Variants in LUZP2 observed in about 807,000 individuals in gnomAD.
LUZP2 encodes the protein leucine zipper protein 2.
Under a neutral mutation model 51.6 loss-of-function variants are expected in LUZP2, and 52 were observed. The ratio of observed to expected loss-of-function variants is 1.01; its 90% confidence interval spans 0.81 to 1.27. The LOEUF (loss-of-function observed/expected upper bound fraction) is 1.27, where lower values mean the gene tolerates loss of function less well. Among genes scored for constraint, LUZP2 ranks in the 50% most tolerant of loss-of-function variants. The pLI is 0.00. For missense variants in LUZP2, 436 were observed against 395.4 expected, an observed-to-expected ratio of 1.10 and a Z score of -0.87; for synonymous variants, 154 against 137.3, an observed-to-expected ratio of 1.12 and a Z score of -0.85.
At chr11:24,623,736 A>T (rs890913157) in intron 1 of LUZP2, among the ~76,000 whole-genome samples, 5 of 152,112 alleles carry the variant, frequency 3.3e-5, no homozygotes, top group Admixed American at 2.0e-4. Context: ...AGGCCCTGCT[A>T]CTCGGGAGGC....
intron 4 of LUZP2, among the ~76,000 whole-genome samples, chr11:24,756,080 C>T (rs533441518): frequency 6.6e-6 from 1 of 152,106 alleles, no homozygotes; most frequent in South Asian, 2.1e-4. Context: ...CTTATGTTAA[C>T]CCCAAGCATT....
intron 5 of LUZP2, among the ~76,000 whole-genome samples, chr11:24,882,917 A>G (rs1852526420): frequency 1.4e-5 from 2 of 138,510 alleles, no homozygotes; most frequent in Admixed American, 1.4e-4. Context: ...AAGAAAGAAG[A>G]AAGAAAGAAC....
At chr11:24,731,879 A>C (rs1166365717) in intron 2 of LUZP2, among the ~76,000 whole-genome samples, 1 of 151,756 alleles carries the variant, frequency 6.6e-6, no homozygotes, top group Non-Finnish European at 1.5e-5. Flanking sequence ...TTTGGAGAGT[A>C]GTTTCTCCTC....
At chr11:24,590,459 A>G (rs1211866855) in intron 1 of LUZP2, among the ~76,000 whole-genome samples, 2 of 152,162 alleles carry the variant, frequency 1.3e-5, no homozygotes, top group Non-Finnish European at 2.9e-5. Context: ...TTTGTTGCAT[A>G]TCCTCAATTA....
At chr11:24,695,874 G>A (rs2133898191) in intron 1 of LUZP2, among the ~76,000 whole-genome samples, 1 of 151,436 alleles carries the variant, frequency 6.6e-6, no homozygotes, top group East Asian at 1.9e-4. Flanking sequence ...TTTAAAATAT[G>A]CATATACTTT....
chr11:24,877,748 C>T (rs7932867), intron 5 of LUZP2, among the ~76,000 whole-genome samples: 73,887 of 151,844 alleles, frequency 0.49, 18,422 homozygotes, highest in East Asian at 0.69. Flanking sequence ...CACATCACTC[C>T]CACACCCCAA....
chr11:24,778,612 G>T (rs1203241320), intron 5 of LUZP2, among the ~76,000 whole-genome samples: 2 of 151,914 alleles, frequency 1.3e-5, no homozygotes, highest in Admixed American at 1.3e-4. Context: ...AAGGATAAAA[G>T]CATGTAAGAA....
chr11:24,786,522 TG>T (rs1011038188), intron 5 of LUZP2: 3 of 809,474 alleles, frequency 3.7e-6, no homozygotes, highest in Non-Finnish European at 4.5e-6. Context: ...TGTGTATATT[TG>T]TATATACACA....
At chr11:24,737,009 A>T (rs1858968596) in intron 3 of LUZP2, among the ~76,000 whole-genome samples, 1 of 152,092 alleles carries the variant, frequency 6.6e-6, no homozygotes, top group African/African-American at 2.4e-5. Context: ...CTTGGACATC[A>T]GTCTCAAGGC....
At chr11:24,891,997 A>T in intron 5 of LUZP2, 1 of 985,538 alleles carries the variant, frequency 1.0e-6, no homozygotes, top group Non-Finnish European at 1.2e-6. Flanking sequence ...CTGGCATGGG[A>T]CTGGTAGTGC....
intron 1 of LUZP2, among the ~76,000 whole-genome samples, chr11:24,603,077 G>A (rs117597383): frequency 4.6e-5 from 7 of 151,668 alleles, no homozygotes; most frequent in Non-Finnish European, 8.9e-5. Flanking sequence ...GCTTCTATAC[G>A]GCTATGGCAC....
chr11:24,952,886 T>C (rs1855116947), intron 7 of LUZP2, among the ~76,000 whole-genome samples: 1 of 151,868 alleles, frequency 6.6e-6, no homozygotes, highest in African/African-American at 2.4e-5. Context: ...TTGTCATGGG[T>C]TGAAGAGCTC....
At chr11:24,700,860 G>T (rs1857401660) in intron 1 of LUZP2, among the ~76,000 whole-genome samples, 1 of 151,910 alleles carries the variant, frequency 6.6e-6, no homozygotes, top group African/African-American at 2.4e-5. Flanking sequence ...ATATATATAT[G>T]ATGAATGTAA....
chr11:24,984,538 AT>A (rs1856133733), intron 9 of LUZP2, among the ~76,000 whole-genome samples: 2 of 90,878 alleles, frequency 2.2e-5, no homozygotes, highest in Non-Finnish European at 2.0e-5. Flanking sequence ...ATATATATAT[AT>A]ATATATATAT....
At chr11:25,008,327 A>G (rs1856891340) in intron 9 of LUZP2, among the ~76,000 whole-genome samples, 1 of 152,240 alleles carries the variant, frequency 6.6e-6, no homozygotes, top group African/African-American at 2.4e-5. Flanking sequence ...GGCAGCAACC[A>G]TGGAGGCCAA....
intron 10 of LUZP2, among the ~76,000 whole-genome samples, chr11:25,059,404 C>T (rs1174377504): frequency 6.6e-6 from 1 of 152,124 alleles, no homozygotes; most frequent in African/African-American, 2.4e-5. Context: ...CAAAAGAGGA[C>T]ATTATCTTTT....
At chr11:24,517,468 A>T (rs1346721438) in intron 1 of LUZP2, among the ~76,000 whole-genome samples, 1 of 122,924 alleles carries the variant, frequency 8.1e-6, no homozygotes, top group East Asian at 2.8e-4. Context: ...CCTGGGTGAC[A>T]GAGCCAGACG....
At chr11:24,876,857 T>C (rs903868416) in intron 5 of LUZP2, among the ~76,000 whole-genome samples, 6 of 152,202 alleles carry the variant, frequency 3.9e-5, no homozygotes, top group African/African-American at 1.4e-4. Flanking sequence ...GACATAGAGA[T>C]GAGGGTATCA....
chr11:24,607,341 CTTTTTTTTTTTTTTTT>C (rs57741208), intron 1 of LUZP2, among the ~76,000 whole-genome samples: 2 of 63,416 alleles, frequency 3.2e-5, no homozygotes, highest in East Asian at 1.0e-3. Context: ...GATATTATGT[CTTTTTTTTTTTTTTTT>C]TTTTTTTTTT....
Sources: gnomAD v4.1 joint callset for allele counts (sites outside exome capture counted in the v4.1 genomes callset) on GRCh38, gnomAD v4.1.1 for gene constraint, MANE v1.5 for transcripts, NCBI Gene and HGNC (gene_info 2026-07-23, HGNC 2026-07-21) for gene names.